Variants in SEMA4D observed in about 807,000 individuals in gnomAD.
SEMA4D encodes semaphorin 4D.
A neutral mutation model predicts 74.8 loss-of-function variants in SEMA4D; 22 were observed. The observed-to-expected ratio is 0.29, with a 90% confidence interval of 0.21 to 0.42. The LOEUF (loss-of-function observed/expected upper bound fraction) is 0.42. SEMA4D is among the 10% of genes least tolerant of loss of function. The pLI, the probability that SEMA4D is intolerant of heterozygous loss-of-function variation, is 1.00. For synonymous variants in SEMA4D, 445 were observed against 463.7 expected, an observed-to-expected ratio of 0.96 and a Z score of 0.52; for missense variants, 937 against 1,118.4, an observed-to-expected ratio of 0.84 and a Z score of 2.31.
At chr9:89,426,647 G>A (rs4242601) in intron 2 of SEMA4D, among the ~76,000 whole-genome samples, 148,935 of 152,270 alleles carry the variant, frequency 0.98, 72,947 homozygotes, top group Non-Finnish European at 1. Flanking sequence ...CTGTCTTACC[G>A]TCGTGCGCAG....
At chr9:89,429,317 G>T (rs374431088) in intron 2 of SEMA4D, among the ~76,000 whole-genome samples, 1 of 152,212 alleles carries the variant, frequency 6.6e-6, no homozygotes, top group Non-Finnish European at 1.5e-5. Flanking sequence ...GGAGAGCATC[G>T]ACATCCCCAT....
intron 2 of SEMA4D, among the ~76,000 whole-genome samples, chr9:89,429,063 G>A (rs990753512): frequency 1.3e-5 from 2 of 152,166 alleles, no homozygotes; most frequent in Non-Finnish European, 2.9e-5. Flanking sequence ...TAAGCGGTTC[G>A]TCCAAGAGTG....
intron 16 of SEMA4D, chr9:89,364,304 C>T: frequency 2.7e-6 from 1 of 375,270 alleles, no homozygotes. Flanking sequence ...GGCCCTGCTG[C>T]CACACACATG....
chr9:89,464,636 G>C (rs1057005976), intron 1 of SEMA4D, among the ~76,000 whole-genome samples: 5 of 152,234 alleles, frequency 3.3e-5, no homozygotes, highest in Non-Finnish European at 7.3e-5. Context: ...AAACCCACTG[G>C]TCTCCCCAGA....
At chr9:89,407,639 C>T (rs1655713793) in intron 2 of SEMA4D, among the ~76,000 whole-genome samples, 1 of 152,144 alleles carries the variant, frequency 6.6e-6, no homozygotes, top group South Asian at 2.1e-4. Flanking sequence ...TGAAATGTTT[C>T]AACACCTTCT....
chr9:89,495,194 G>A (rs149810173), intron 1 of SEMA4D, among the ~76,000 whole-genome samples: 1 of 152,288 alleles, frequency 6.6e-6, no homozygotes, highest in African/African-American at 2.4e-5. Flanking sequence ...ATGCCCCAGG[G>A]GAAGCAGCAA....
intron 16 of SEMA4D, among the ~76,000 whole-genome samples, chr9:89,365,832 A>G (rs1434272325): frequency 1.3e-5 from 2 of 152,194 alleles, no homozygotes; most frequent in Non-Finnish European, 2.9e-5. Context: ...CACATGCTGG[A>G]CTTTTGAAAA....
intron 1 of SEMA4D, among the ~76,000 whole-genome samples, chr9:89,463,585 C>T (rs778375508): frequency 4.6e-5 from 7 of 152,126 alleles, no homozygotes; most frequent in Non-Finnish European, 8.8e-5. Flanking sequence ...AACTAATTAG[C>T]GTCAACCAGT....
intron 2 of SEMA4D, among the ~76,000 whole-genome samples, chr9:89,448,753 T>C (rs1853595495): frequency 1.3e-5 from 2 of 152,108 alleles, no homozygotes; most frequent in African/African-American, 4.8e-5. Flanking sequence ...CAAAGAAAAA[T>C]GGGCCATTTT....
Position 89,381,046 on chromosome 9 carries a change from G to A in SEMA4D, c.1663+9C>T. 1.9e-6 allele frequency: 3 copies of A among 1,614,084 alleles called. 1 individual carries two copies. The South Asian group carries it at 3.3e-5, about 18-fold the overall frequency. Reference sequence around the variant, plus strand: ...CCCAAAGGAAATGGGACGTCGAGGAGTCACTCACCCGGGCACACAGAAGCA... The same window carrying A: ...CCCAAAGGAAATGGGACGTCGAGGAATCACTCACCCGGGCACACAGAAGCA... On this transcript the variant is annotated intron_variant, in intron 15 of 15. Coordinates refer to ENST00000422704, the MANE Select transcript of SEMA4D (RefSeq NM_001371194.2). The surrounding 1 kb of genome is among the most constrained non-coding windows in gnomAD (Gnocchi z 4.6).
At chr9:89,390,041 G>T (rs35547805) in intron 9 of SEMA4D, among the ~76,000 whole-genome samples, 1 of 152,046 alleles carries the variant, frequency 6.6e-6, no homozygotes, top group Non-Finnish European at 1.5e-5. Context: ...GTGTGCCTAA[G>T]ACTTGTAGAA....
At chr9:89,472,399 C>T in intron 1 of SEMA4D, 1 of 324,682 alleles carries the variant, frequency 3.1e-6, no homozygotes, top group Admixed American at 3.5e-5. Flanking sequence ...GATCACTGGG[C>T]ATCCAAGAAC....
Position 89,381,418 on chromosome 9 carries a change from A to C in SEMA4D, c.1447-72T>G. 2 of 1,379,774 alleles carry C rather than the reference A, an allele frequency of 1.4e-6. No homozygotes were observed. Among genetic ancestry groups the C allele is most frequent in the Non-Finnish European group, 1.9e-6 (2 of 1,037,230 alleles). The allele number at this position is 1,379,774 out of a possible 1,614,324, so 85.5% of individuals were successfully genotyped here. On this transcript the variant is annotated intron_variant, in intron 13 of 15. Transcript: ENST00000422704. The surrounding 1 kb of genome is among the most constrained non-coding windows in gnomAD (Gnocchi z 4.6). ...CCAGGAGCATGGCCTCTGCTTCTGC[A>C]CCAGTGTGTGGGAAGCAGCCAGAGT...
intron 2 of SEMA4D, among the ~76,000 whole-genome samples, chr9:89,452,183 T>TTG (rs1554777557): frequency 2.4e-4 from 2 of 8,254 alleles, no homozygotes; most frequent in Non-Finnish European, 5.2e-4. Flanking sequence ...GTTTTTTTTG[T>TTG]TTTTTTTTTT....
chr9:89,420,293 T>C (rs573218211), intron 2 of SEMA4D, among the ~76,000 whole-genome samples: 5 of 152,242 alleles, frequency 3.3e-5, no homozygotes, highest in Non-Finnish European at 4.4e-5. Flanking sequence ...TTTCTCAGCG[T>C]GCAACCCCAC....
downstream of SEMA4D, among the ~76,000 whole-genome samples, chr9:89,375,610 C>T (rs1588139085): frequency 6.6e-6 from 1 of 152,228 alleles, no homozygotes; most frequent in African/African-American, 2.4e-5. Context: ...TCTTCATTAA[C>T]TTCATCCCTC....
At chr9:89,435,943 A>G (rs1224947383) in intron 2 of SEMA4D, among the ~76,000 whole-genome samples, 1 of 152,248 alleles carries the variant, frequency 6.6e-6, no homozygotes. Flanking sequence ...TTGGCTGCCC[A>G]GTAAGAGAAA....
intron 2 of SEMA4D, among the ~76,000 whole-genome samples, chr9:89,420,430 C>T (rs923504937): frequency 5.3e-5 from 8 of 152,202 alleles, no homozygotes; most frequent in African/African-American, 1.7e-4. Flanking sequence ...GCCTGTTCAT[C>T]AAAAAGCAAT....
At chr9:89,463,523 C>A (rs1453949098) in intron 1 of SEMA4D, among the ~76,000 whole-genome samples, 1 of 152,212 alleles carries the variant, frequency 6.6e-6, no homozygotes, top group Non-Finnish European at 1.5e-5. Flanking sequence ...TCATGACCAG[C>A]CCTTTTTCGC....
Sources: allele counts gnomAD v4.1 joint callset (sites outside exome capture counted in the v4.1 genomes callset), GRCh38; gene constraint gnomAD v4.1.1; non-coding constraint Gnocchi (gnomAD v3.1); transcripts MANE v1.5; gene names NCBI Gene and HGNC (gene_info 2026-07-23, HGNC 2026-07-21).